NRG1: variants seen among roughly 807,000 people sequenced by gnomAD.
NRG1 encodes the protein pro-neuregulin-1, membrane-bound isoform.
Under a neutral mutation model 63.8 loss-of-function variants are expected in NRG1, and 18 were observed. The ratio of observed to expected loss-of-function variants is 0.28; its 90% confidence interval spans 0.19 to 0.42. The LOEUF (loss-of-function observed/expected upper bound fraction) is 0.42, where lower values mean the gene tolerates loss of function less well. Ranked by LOEUF, NRG1 falls within the 10% of genes least tolerant of loss-of-function variation. NRG1 has a pLI of 1.00. For synonymous variants in NRG1, 302 were observed against 301.3 expected (o/e 1.00, Z -0.02); for missense variants, 762 against 814.7 (o/e 0.94, Z 0.79).
At chr8:32,338,667 T>C (rs2129478134) in intron 1 of NRG1, among the ~76,000 whole-genome samples, 1 of 152,230 alleles carries the variant, frequency 6.6e-6, no homozygotes. Flanking sequence ...AAAAAAAGGA[T>C]TGATATTTTA....
chr8:32,732,871 A>G (rs952630086), intron 6 of NRG1, among the ~76,000 whole-genome samples: 5 of 131,540 alleles, frequency 3.8e-5, no homozygotes, highest in Non-Finnish European at 7.6e-5. Context: ...GCAATGGTGC[A>G]GTCTCAGCTC....
In NRG1 at chr8:32,478,270, G is replaced by GT. The variant is rs72586961; in HGVS notation, c.38-117558_38-117557insT. Reference sequence around the variant, plus strand: ...CCAGTGGGCTTCTTCCATGTGGGGGGGCCTTTTTGCAGCCTGGGGGCCCTT... The same window carrying GT: ...CCAGTGGGCTTCTTCCATGTGGGGGGTGCCTTTTTGCAGCCTGGGGGCCCTT... On this transcript the variant is annotated intron_variant, in intron 1 of 10. Transcript: ENST00000519301. 3.8e-4 allele frequency among the ~76,000 whole-genome samples: 58 copies of GT among 152,026 alleles called. 1 individual carries two copies. The highest frequency in any genetic ancestry group is 3.1e-3 in the Admixed American group (48 of 15,254).
At chr8:32,091,277 CAAA>C (rs34853603) in intron 1 of NRG1, among the ~76,000 whole-genome samples, 1 of 119,290 alleles carries the variant, frequency 8.4e-6, no homozygotes. Context: ...GACTTGGTCT[CAAA>C]AAAAAAAAAA....
chr8:31,956,054 C>CA (rs1311694489), intron 1 of NRG1, among the ~76,000 whole-genome samples: 3 of 129,798 alleles, frequency 2.3e-5, no homozygotes, highest in African/African-American at 8.7e-5. Flanking sequence ...AAAAAAAAAA[C>CA]AAAAAAACAA....
At chr8:32,295,020 G>A (rs964446013) in intron 1 of NRG1, among the ~76,000 whole-genome samples, 26 of 152,076 alleles carry the variant, frequency 1.7e-4, no homozygotes, top group African/African-American at 6.3e-4. Flanking sequence ...TCTCTCTGCT[G>A]ATGTTACTGT....
At chr8:32,474,673 G>GT (rs1202701829) in intron 1 of NRG1, among the ~76,000 whole-genome samples, 17 of 151,244 alleles carry the variant, frequency 1.1e-4, no homozygotes, top group Non-Finnish European at 7.4e-5. Context: ...TTGTGTGTGT[G>GT]TGTGTTTTTT....
chr8:31,859,705 A>G (rs1308012931), intron 1 of NRG1, among the ~76,000 whole-genome samples: 1 of 152,252 alleles, frequency 6.6e-6, no homozygotes, highest in African/African-American at 2.4e-5. Flanking sequence ...TTGCTACAAA[A>G]GCAAAGTGGT....
chr8:32,465,245 A>T (rs1822911431), intron 1 of NRG1, among the ~76,000 whole-genome samples: 1 of 152,228 alleles, frequency 6.6e-6, no homozygotes, highest in Non-Finnish European at 1.5e-5. Context: ...GAATGTGATT[A>T]TGCAACCTGG....
intron 1 of NRG1, among the ~76,000 whole-genome samples, chr8:32,091,037 T>C (rs1002195726): frequency 6.6e-6 from 1 of 152,202 alleles, no homozygotes; most frequent in Non-Finnish European, 1.5e-5. Flanking sequence ...CCCAGAACTC[T>C]GGGAGGCCGA....
intron 1 of NRG1, among the ~76,000 whole-genome samples, chr8:31,799,550 C>A: frequency 6.6e-6 from 1 of 151,980 alleles, no homozygotes; most frequent in Admixed American, 6.6e-5. Flanking sequence ...TGGTATATTT[C>A]TTTCAGTTAT....
At chr8:32,588,249 G>C (rs1051163742) in intron 1 of NRG1, among the ~76,000 whole-genome samples, 12 of 152,138 alleles carry the variant, frequency 7.9e-5, no homozygotes, top group African/African-American at 2.7e-4. Flanking sequence ...AGTGCAGTCA[G>C]TTGAGTATGG....
chr8:32,312,807 TTCC>T (rs1283299413), intron 1 of NRG1, among the ~76,000 whole-genome samples: 3 of 140,504 alleles, frequency 2.1e-5, no homozygotes, highest in Non-Finnish European at 4.8e-5. Flanking sequence ...CCTTCCTTCC[TTCC>T]ATCCTTCCTG....
chr8:32,175,244 C>A (rs186249176), intron 1 of NRG1, among the ~76,000 whole-genome samples: 1 of 152,228 alleles, frequency 6.6e-6, no homozygotes, highest in Admixed American at 6.5e-5. Flanking sequence ...ATTACTATCT[C>A]AATAGATGCA....
intron 1 of NRG1, among the ~76,000 whole-genome samples, chr8:31,893,311 T>A (rs1019182480): frequency 6.6e-6 from 1 of 151,314 alleles, no homozygotes; most frequent in African/African-American, 2.4e-5. Context: ...ATATAGATTT[T>A]AAGGTTAAGT....
chr8:32,199,328 G>T (rs1306211014), intron 1 of NRG1, among the ~76,000 whole-genome samples: 1 of 151,986 alleles, frequency 6.6e-6, no homozygotes, highest in Admixed American at 6.6e-5. Flanking sequence ...TTTCATTCCT[G>T]CTATATACTT....
intron 1 of NRG1, among the ~76,000 whole-genome samples, chr8:32,316,893 T>C (rs1857464302): frequency 6.6e-6 from 1 of 152,206 alleles, no homozygotes; most frequent in African/African-American, 2.4e-5. Context: ...AGGGACCGTG[T>C]AGGCTTGTGG....
rs190883676 is a variant in NRG1 at position 32,761,007 on chromosome 8, G to A, written c.1259+601G>A. Reference sequence around the variant, plus strand: ...GGATGCTGCGTCTGGCAGTCTTCACGGGTGGTTTTCAAAGCAGATACTGCC... The same window carrying A: ...GGATGCTGCGTCTGGCAGTCTTCACAGGTGGTTTTCAAAGCAGATACTGCC... On this transcript the variant is annotated intron_variant, in intron 11 of 11. Transcript: ENST00000356819. 43 of 985,700 alleles carry A rather than the reference G, an allele frequency of 4.4e-5. No homozygotes were observed. The Admixed American group carries it at 6.7e-4, about 15-fold the overall frequency. 61.1% of individuals were successfully genotyped at this position (985,700 alleles called of 1,614,324 possible).
intron 1 of NRG1, among the ~76,000 whole-genome samples, chr8:31,854,080 T>G (rs561866624): frequency 0.015 from 2,253 of 151,118 alleles, 26 homozygotes; most frequent in Non-Finnish European, 0.022. Context: ...TCTCTTTTTT[T>G]GTTGTGTCTC....
intron 1 of NRG1, among the ~76,000 whole-genome samples, chr8:32,160,437 A>C (rs995534731): frequency 6.6e-6 from 1 of 152,170 alleles, no homozygotes; most frequent in Non-Finnish European, 1.5e-5. Context: ...CAGATGAGGA[A>C]ACTGACAGTC....
Sources: allele counts gnomAD v4.1 joint callset (sites outside exome capture counted in the v4.1 genomes callset), GRCh38; gene constraint gnomAD v4.1.1; transcripts MANE v1.5; gene names NCBI Gene and HGNC (gene_info 2026-07-23, HGNC 2026-07-21).